Variants in DCHS1 observed in about 807,000 individuals in gnomAD.
DCHS1 encodes dachsous cadherin-related 1, also known as protocadherin-16.
DCHS1 carries 78 observed loss-of-function variants against 213.9 expected under a neutral mutation model. That is an observed-to-expected ratio of 0.36 (90% confidence interval 0.30 to 0.44). DCHS1 has a LOEUF of 0.44. Among genes scored for constraint, DCHS1 ranks in the 20% least tolerant of loss-of-function variants. The pLI, the probability that DCHS1 is intolerant of heterozygous loss-of-function variation, is 1.00. For synonymous variants in DCHS1, 1,828 were observed against 1,873.7 expected (o/e 0.98, Z 0.63); for missense variants, 3,946 against 4,395.9 (o/e 0.90, Z 2.89).
intron 1 of DCHS1, among the ~76,000 whole-genome samples, chr11:6,654,955 G>A (rs529505589): frequency 6.6e-5 from 10 of 151,470 alleles, no homozygotes; most frequent in African/African-American, 1.9e-4. Context: ...CAAACTCCCA[G>A]TTGCTCCAAT....
rs202186111 is a variant in DCHS1 at position 6,624,292 on chromosome 11, G to A, written c.7384C>T (p.Arg2462Trp). The change falls in exon 21 of 21, where the codon CGG (arginine) becomes TGG (tryptophan). Residue 2462 changes from arginine (R) to tryptophan (W), a missense_variant. Arg to Trp is a moderately radical substitution (Grantham distance 101). This residue lies in a region of DCHS1 where 3,384 missense variants were observed against 3,780.1 expected (regional missense o/e 0.90). Transcript: ENST00000299441. ...ACGTGCACTGTGGCTCGTGCTGCCC[G>A]GCCTGGAGCCCCGTGGTCTCGTGCT... ...LEARDHGAPG[R>W]AARATVHVQL... 1.2e-4 allele frequency: 197 copies of A among 1,596,520 alleles called. No homozygotes were observed. Among genetic ancestry groups the A allele is most frequent in the East Asian group, 2.1e-4 (9 of 43,860 alleles).
intron 4 of DCHS1, 49 bp downstream of exon 4, chr11:6,633,740 G>T: frequency 1.3e-6 from 2 of 1,599,156 alleles, no homozygotes; most frequent in Non-Finnish European, 1.7e-6. Flanking sequence ...ATTTAGGCAG[G>T]TGGGGAGGGG....
rs1271592214 is a variant in DCHS1 at position 6,623,678 on chromosome 11, G to A, written c.7998C>T (p.Asp2666=). The change falls in exon 21 of 21, where the codon GAC becomes GAT. Residue 2666 remains aspartate (D), a synonymous_variant. Transcript: ENST00000299441. Reference sequence around the variant, plus strand: ...GCTGATGTCGAGCCTGGGTCTCACAGTCCAGGGCATGGGCCAGTCGCAAGG... The same window carrying A: ...GCTGATGTCGAGCCTGGGTCTCACAATCCAGGGCATGGGCCAGTCGCAAGG... The part of the protein sequence containing the change: ...SGTLRLAHAL[D]CETQARHQLV... The A allele has an allele frequency of 7.4e-6, 12 of 1,613,744 alleles. No homozygotes were observed. Among genetic ancestry groups the A allele is most frequent in the Admixed American group, 5.0e-5 (3 of 60,010 alleles).
In DCHS1 at chr11:6,640,855, C is replaced by T. The variant is rs147414014; in HGVS notation, c.759G>A (p.Pro253=). The T allele has an allele frequency of 4.5e-4, 732 of 1,613,934 alleles. 1 individual carries two copies. The highest frequency in any genetic ancestry group is 5.6e-4 in the Non-Finnish European group (664 of 1,179,890). Residue 253 remains proline, a synonymous_variant, in exon 2 of 21, where the codon CCG becomes CCA. Transcript: ENST00000299441. This position sits in a 1 kb window ranked among gnomAD's most constrained non-coding sequence, Gnocchi z 6.5. ...VTLLDINDHA[P]AFNQSRYHAV... is the part of the protein sequence containing the mutation. ...CATGGTAGCGGCTCTGATTGAAAGCCGGGGCATGGTCATTGATGTCCAGCA... is the reference window on the plus strand; with the variant it reads ...CATGGTAGCGGCTCTGATTGAAAGCTGGGGCATGGTCATTGATGTCCAGCA...
Position 6,633,980 on chromosome 11 carries a change from G to A in DCHS1, c.2027C>T (p.Ser676Leu), listed in dbSNP as rs749236736. ...CTGAGGAGGGTTGTCATTCTCGTCT[G>A]ACAGAAACACCTTCACATATACCAT... ...KSMVYVKVFL[S>L]DENDNPPQFY... Residue 676 changes from serine to leucine, a missense_variant, in exon 4 of 21, where the codon TCA becomes TTA. Ser to Leu is a moderately radical substitution (Grantham distance 145). Transcript: ENST00000299441. 2 of 1,614,028 alleles carry A rather than the reference G, an allele frequency of 1.2e-6. No individual in the cohort carries two copies.
intron 1 of DCHS1, among the ~76,000 whole-genome samples, chr11:6,655,340 G>A (rs1010418586): frequency 1.3e-5 from 2 of 149,888 alleles, no homozygotes; most frequent in Non-Finnish European, 1.5e-5. Flanking sequence ...CGCTCCCGCC[G>A]CCACCCTCCC....
intron 7 of DCHS1, 56 bp downstream of exon 7, chr11:6,631,560 G>A (rs1367294868): frequency 6.4e-7 from 1 of 1,551,132 alleles, no homozygotes; most frequent in African/African-American, 1.4e-5. Context: ...AGCTCTATGG[G>A]GAGATCCCCA....
intron 1 of DCHS1, among the ~76,000 whole-genome samples, chr11:6,644,735 C>T (rs1856131167): frequency 6.6e-6 from 1 of 152,250 alleles, no homozygotes; most frequent in Admixed American, 6.5e-5. Flanking sequence ...CACCACCATA[C>T]TCACGTAACA....
Position 6,641,390 on chromosome 11 carries a change from G to C in DCHS1, c.224C>G (p.Pro75Arg), listed in dbSNP as rs761298791. The change falls in exon 2 of 21, where the codon CCT becomes CGT. Residue 75 changes from proline to arginine, a missense_variant. Around this residue, in one of 3 missense-constraint regions of DCHS1, gnomAD observed 3,384 missense variants for 3,780.1 expected, o/e 0.90. Transcript: ENST00000299441. This position sits in a 1 kb window ranked among gnomAD's most constrained non-coding sequence, Gnocchi z 7.1. ...TTGGGCAGAGATGAAGTACATGAGA[G>C]GAGCTGCCGTGCCTGCCGGAAGCCC... ...SAGLPAGTAAPLMYFISAQEG... is the reference protein window; with the variant it reads ...SAGLPAGTAARLMYFISAQEG... The C allele has an allele frequency of 6.2e-7, 1 of 1,613,186 alleles. No individual in the cohort carries two copies. Among genetic ancestry groups the C allele is most frequent in the South Asian group, 1.1e-5 (1 of 91,074 alleles).
At chr11:6,645,763 A>T (rs1414043163) in intron 1 of DCHS1, among the ~76,000 whole-genome samples, 2 of 152,184 alleles carry the variant, frequency 1.3e-5, no homozygotes, top group Non-Finnish European at 2.9e-5. Flanking sequence ...GTGGACACGC[A>T]AAGGTGCACA....
intron 2 of DCHS1, among the ~76,000 whole-genome samples, chr11:6,639,104 C>T (rs1225102678): frequency 5.1e-5 from 6 of 116,566 alleles, no homozygotes; most frequent in Admixed American, 2.9e-4. Context: ...AGCGAGACTC[C>T]GCCTCAAAAA....
chr11:6,632,993 T>G lies in DCHS1; in HGVS notation c.2519A>C (p.Asp840Ala). 1.9e-6 allele frequency: 3 copies of G among 1,613,498 alleles called. No individual in the cohort carries two copies. The highest frequency in any genetic ancestry group is 2.5e-6 in the Non-Finnish European group (3 of 1,179,540). Residue 840 changes from aspartate (D) to alanine (A), a missense_variant, in exon 6 of 21, where the codon GAT becomes GCT. Coordinates refer to ENST00000299441, the MANE Select transcript of DCHS1 (RefSeq NM_003737.4). The surrounding 1 kb of genome is among the most constrained non-coding windows in gnomAD (Gnocchi z 5.9). ...TGTTTGCAACAGTCCTGATACCGCA[T>G]CTAGGGAGAAGAGTCCTCGGGGATC... Reference protein sequence around the residue: ...GGDPRGLFSLDAVSGLLQTLR... With the variant: ...GGDPRGLFSLAAVSGLLQTLR...
At position 6,632,255 on chromosome 11, in the gene DCHS1, G is replaced by C; in HGVS notation, c.3257C>G (p.Thr1086Arg). 1.2e-6 allele frequency: 2 copies of C among 1,613,892 alleles called. No individual in the cohort carries two copies. The highest frequency in any genetic ancestry group is 1.7e-6 in the Non-Finnish European group (2 of 1,179,804). Residue 1086 changes from threonine (T) to arginine (R), a missense_variant, in exon 6 of 21, where the codon ACA becomes AGA. Coordinates refer to ENST00000299441, the MANE Select transcript of DCHS1 (RefSeq NM_003737.4). This position sits in a 1 kb window ranked among gnomAD's most constrained non-coding sequence, Gnocchi z 5.9. The part of the protein sequence containing the change: ...SGSKAELGQQ[T>R]GTATVRVSIL... ...GCTGACCCTCACGGTGGCTGTGCCT[G>C]TCTGCTGCCCCAACTCAGCTTTGGA...
Position 6,630,339 on chromosome 11 carries a change from C to T in DCHS1, c.4455G>A (p.Ala1485=). ...RLLRQEPPVP[A]LRLDARTGAL... ...CCCCGGTGCGCGCGTCCAGGCGAAG[C>T]GCCGGCACGGGCGGCTCCTGGCGCA... is the stretch of plus-strand genomic sequence containing the variant. The change falls in exon 10 of 21, where the codon GCG becomes GCA. Residue 1485 remains alanine (A), a synonymous_variant. Transcript: ENST00000299441. The T allele has an allele frequency of 7.6e-7, 1 of 1,312,532 alleles. No homozygotes were observed. The highest frequency in any genetic ancestry group is 9.7e-7 in the Non-Finnish European group (1 of 1,032,842). The allele number at this position is 1,312,532 out of a possible 1,614,324, so 81.3% of individuals were successfully genotyped here. A position where few individuals can be genotyped will look rare whatever the true frequency, so the allele number is the denominator to read the frequency against.
At position 6,630,371 on chromosome 11, in the gene DCHS1, G is replaced by C. The variant is rs1464855520; in HGVS notation, c.4423C>G (p.Arg1475Gly). 4 of 1,356,616 alleles carry C rather than the reference G, an allele frequency of 2.9e-6. No individual in the cohort carries two copies. The highest frequency in any genetic ancestry group is 3.8e-6 in the Non-Finnish European group (4 of 1,057,426). The allele number at this position is 1,356,616 out of a possible 1,614,324, so 84.0% of individuals were successfully genotyped here. A position where few individuals can be genotyped will look rare whatever the true frequency, so the allele number is the denominator to read the frequency against. Reference sequence around the variant, plus strand: ...ACGGGCGGCTCCTGGCGCAGCAGGCGGTAGCGCACGTCGCTATTGGGGCCG... The same window carrying C: ...ACGGGCGGCTCCTGGCGCAGCAGGCCGTAGCGCACGTCGCTATTGGGGCCG... ...GPGPNSDVRY[R>G]LLRQEPPVPA... The change falls in exon 10 of 21, where the codon CGC (arginine) becomes GGC (glycine). Residue 1475 changes from arginine to glycine, a missense_variant. Arg to Gly is a moderately radical substitution (Grantham distance 125). Transcript: ENST00000299441.
In DCHS1 at chr11:6,627,289, A is replaced by C; in HGVS notation, c.5750T>G (p.Leu1917Trp). 2 of 1,612,980 alleles carry C rather than the reference A, an allele frequency of 1.2e-6. No individual in the cohort carries two copies. The highest frequency in any genetic ancestry group is 2.2e-5 in the South Asian group (2 of 90,970). Reference protein sequence around the residue: ...SSGELRTAAALDREQCPSYTF... With the variant: ...SSGELRTAAAWDREQCPSYTF... ...GTAGCTGGGACACTGTTCTCTGTCCAAGGCTGCAGCTGTGCGCAGTTCTCC... is the reference window on the plus strand; with the variant it reads ...GTAGCTGGGACACTGTTCTCTGTCCCAGGCTGCAGCTGTGCGCAGTTCTCC... Residue 1917 changes from leucine to tryptophan, a missense_variant, in exon 14 of 21, where the codon TTG becomes TGG. Physicochemically the swap from Leu to Trp is moderately conservative, Grantham distance 61 (BLOSUM62 -2). Around this residue, in one of 3 missense-constraint regions of DCHS1, gnomAD observed 3,384 missense variants for 3,780.1 expected, o/e 0.90. Coordinates refer to ENST00000299441, the MANE Select transcript of DCHS1 (RefSeq NM_003737.4). This position sits in a 1 kb window ranked among gnomAD's most constrained non-coding sequence, Gnocchi z 5.4.
Position 6,626,017 on chromosome 11 carries a change from C to T in DCHS1, c.6634G>A (p.Ala2212Thr), listed in dbSNP as rs763381995. 6.2e-6 allele frequency: 10 copies of T among 1,612,434 alleles called. No individual in the cohort carries two copies. The African/African-American group carries it at 1.2e-4, about 19-fold the overall frequency. The change falls in exon 17 of 21, where the codon GCA (alanine) becomes ACA (threonine). Residue 2212 changes from alanine (A) to threonine (T), a missense_variant. Ala to Thr is a moderately conservative substitution (Grantham distance 58, BLOSUM62 0). This residue lies in a region of DCHS1 where 3,384 missense variants were observed against 3,780.1 expected (regional missense o/e 0.90). Transcript: ENST00000299441. The surrounding 1 kb of genome is among the most constrained non-coding windows in gnomAD (Gnocchi z 5.2). ...SGGQISYSLAASQPARGLFHV... is the reference protein window; with the variant it reads ...SGGQISYSLATSQPARGLFHV... ...AACAATCCACGTGCCGGCTGGGATG[C>T]AGCCAGACTGTAGGAAATCTGTCCT...
chr11:6,648,488 G>C (rs1429401844), intron 1 of DCHS1, among the ~76,000 whole-genome samples: 1 of 152,202 alleles, frequency 6.6e-6, no homozygotes, highest in African/African-American at 2.4e-5. Flanking sequence ...TGCCAGAAGA[G>C]TACTAAGGGT....
rs1855872477 is a variant in DCHS1 at position 6,629,910 on chromosome 11, T to A, written c.4797A>T (p.Gly1599=). Reference sequence around the variant, plus strand: ...CCAACGGCCGCACCACGGACAGCGCTCCTAGGTGAGCGGTAAGGCAGGTTG... The same window carrying A: ...CCAACGGCCGCACCACGGACAGCGCACCTAGGTGAGCGGTAAGGCAGGTTG... ...DGHFRLHSST[G]ALSVVRPLDR... Residue 1599 remains glycine (G), a splice_region_variant and synonymous_variant, in exon 11 of 21, where the codon GGA becomes GGT. Transcript: ENST00000299441. 2 of 1,611,080 alleles carry A rather than the reference T, an allele frequency of 1.2e-6. No individual in the cohort carries two copies. Among genetic ancestry groups the A allele is most frequent in the African/African-American group, 2.7e-5 (2 of 74,888 alleles).
Sources: gnomAD v4.1 joint callset for allele counts (sites outside exome capture counted in the v4.1 genomes callset) on GRCh38, gnomAD v4.1.1 for gene constraint, gnomAD v4.1.1 regional missense constraint, Gnocchi (gnomAD v3.1) non-coding constraint, MANE v1.5 for transcripts, NCBI Gene and HGNC (gene_info 2026-07-23, HGNC 2026-07-21) for gene names.